Variants in TESK2 observed in about 807,000 individuals in gnomAD.
TESK2 encodes testis associated actin remodelling kinase 2, also known as dual specificity testis-specific protein kinase 2.
A neutral mutation model predicts 57.1 loss-of-function variants in TESK2; 39 were observed. The ratio of observed to expected loss-of-function variants is 0.68; its 90% CI spans 0.53 to 0.89. The LOEUF (loss-of-function observed/expected upper bound fraction) is 0.89, where lower values mean the gene tolerates loss of function less well. TESK2 is among the 40% of genes least tolerant of loss of function. The pLI, the probability that TESK2 is intolerant of heterozygous loss-of-function variation, is 0.00. For missense variants in TESK2, 646 were observed against 732.1 expected (o/e 0.88, Z 1.36); for synonymous variants, 249 against 267.9 (o/e 0.93, Z 0.69).
intron 2 of TESK2, among the ~76,000 whole-genome samples, chr1:45,456,543 T>C (rs891276084): frequency 6.6e-6 from 1 of 150,850 alleles, no homozygotes; most frequent in African/African-American, 2.4e-5. Flanking sequence ...TAAAATAAAA[T>C]AAAGGGGAAA....
At chr1:45,375,926 T>C (rs1216685583) in intron 4 of TESK2, among the ~76,000 whole-genome samples, 1 of 152,128 alleles carries the variant, frequency 6.6e-6, no homozygotes, top group African/African-American at 2.4e-5. Flanking sequence ...AAGGATAAAG[T>C]AAACTAAATA....
At position 45,345,039 on chromosome 1, in the gene TESK2, G is replaced by A. The variant is rs1231061018; in HGVS notation, c.1517C>T (p.Ala506Val). 1.2e-6 allele frequency: 2 copies of A among 1,614,254 alleles called. No individual in the cohort carries two copies. Among genetic ancestry groups the A allele is most frequent in the Non-Finnish European group, 8.5e-7 (1 of 1,180,050 alleles). ...GTCCATAGCCTCATGGGCTTGAGCA[G>A]CTGGTAGGGCAGATGCCCGGAATGG... ...IPPFRASALP[A>V]AQAHEAMDCS... is the part of the protein sequence containing the mutation. The change falls in exon 11 of 11, where the codon GCT (alanine) becomes GTT (valine). Residue 506 changes from alanine to valine, a missense_variant. Physicochemically the swap from Ala to Val is moderately conservative, Grantham distance 64. Transcript: ENST00000372086.
intron 4 of TESK2, among the ~76,000 whole-genome samples, chr1:45,366,001 G>A (rs1406332549): frequency 6.6e-6 from 1 of 152,026 alleles, no homozygotes; most frequent in African/African-American, 2.4e-5. Context: ...TAGAGACGGG[G>A]TTTCACCATG....
intron 2 of TESK2, among the ~76,000 whole-genome samples, chr1:45,431,776 A>G (rs1241701283): frequency 6.6e-6 from 1 of 152,144 alleles, no homozygotes; most frequent in African/African-American, 2.4e-5. Context: ...TAGAACAAGC[A>G]AGGAAAGGGC....
At chr1:45,386,270 G>A (rs1333979013) in intron 3 of TESK2, among the ~76,000 whole-genome samples, 2 of 148,760 alleles carry the variant, frequency 1.3e-5, no homozygotes, top group Non-Finnish European at 3.0e-5. Flanking sequence ...CCTTGAACCT[G>A]GAAGGCAGAG....
intron 3 of TESK2, among the ~76,000 whole-genome samples, chr1:45,391,151 C>T (rs1041743807): frequency 1.3e-5 from 2 of 150,846 alleles, no homozygotes; most frequent in African/African-American, 4.9e-5. Context: ...CTCCTGACCT[C>T]GTGATCCGCC....
chr1:45,344,755 G>C lies in TESK2; in HGVS notation c.*85C>G. 1 of 1,320,474 alleles carries C rather than the reference G, an allele frequency of 7.6e-7. No homozygotes were observed. Among genetic ancestry groups the C allele is most frequent in the Non-Finnish European group, 1.0e-6 (1 of 953,988 alleles). 81.8% of individuals were successfully genotyped at this position (1,320,474 alleles called of 1,614,324 possible). ...TAGCCTGCCTGCTCTGTAGGCTCCAGGGAAGAATCAAGGCTGTGCACCTAG... is the reference window on the plus strand; with the variant it reads ...TAGCCTGCCTGCTCTGTAGGCTCCACGGAAGAATCAAGGCTGTGCACCTAG... On this transcript the variant is annotated 3_prime_UTR_variant, in exon 11 of 11. Transcript: ENST00000372086.
chr1:45,367,607 C>A (rs1436265951), intron 4 of TESK2, among the ~76,000 whole-genome samples: 1 of 151,184 alleles, frequency 6.6e-6, no homozygotes, highest in Admixed American at 6.6e-5. Flanking sequence ...CCTCGGCCTC[C>A]CAAAGTGTAG....
chr1:45,445,530 T>C (rs1443645477), intron 2 of TESK2, among the ~76,000 whole-genome samples: 1 of 149,742 alleles, frequency 6.7e-6, no homozygotes, highest in African/African-American at 2.5e-5. Flanking sequence ...CTCACACTTG[T>C]AATCCCAACA....
chr1:45,424,788 T>C (rs1650622090), intron 2 of TESK2, among the ~76,000 whole-genome samples: 1 of 152,174 alleles, frequency 6.6e-6, no homozygotes, highest in Non-Finnish European at 1.5e-5. Flanking sequence ...ATGTGATACA[T>C]TATATCAACA....
At chr1:45,450,398 G>A (rs914993886) in intron 2 of TESK2, among the ~76,000 whole-genome samples, 1 of 152,098 alleles carries the variant, frequency 6.6e-6, no homozygotes, top group African/African-American at 2.4e-5. Flanking sequence ...TGAAATCCCA[G>A]CTACTTGGGA....
At chr1:45,370,466 A>T (rs1648127618) in intron 4 of TESK2, among the ~76,000 whole-genome samples, 1 of 152,236 alleles carries the variant, frequency 6.6e-6, no homozygotes. Flanking sequence ...CAATGTAAAT[A>T]AAACAATCGT....
Position 45,365,382 on chromosome 1 carries a change from T to C in TESK2, c.394-9933A>G, listed in dbSNP as rs114483146. On this transcript the variant is annotated intron_variant, in intron 4 of 10. Coordinates refer to ENST00000372086, the MANE Select transcript of TESK2 (RefSeq NM_007170.3). Reference sequence around the variant, plus strand: ...CTAGTTCTAGCCACAGAGTAAAACGTTGTTAATAACCCAAAATATATTTCA... The same window carrying C: ...CTAGTTCTAGCCACAGAGTAAAACGCTGTTAATAACCCAAAATATATTTCA... Among the ~76,000 whole-genome samples, 1,058 of 152,328 alleles carry C rather than the reference T, an allele frequency of 6.9e-3. 11 individuals are homozygous for C. The highest frequency in any genetic ancestry group is 0.023 in the African/African-American group (971 of 41,558).
intron 1 of TESK2, among the ~76,000 whole-genome samples, chr1:45,473,250 A>G (rs920263705): frequency 6.6e-6 from 1 of 152,134 alleles, no homozygotes; most frequent in African/African-American, 2.4e-5. Flanking sequence ...ACCAAAGCCC[A>G]GGCACCTTCT....
chr1:45,364,439 A>G lies in TESK2; in HGVS notation c.394-8990T>C, dbSNP rs547743165. 5.3e-5 allele frequency among the ~76,000 whole-genome samples: 8 copies of G among 152,352 alleles called. No individual in the cohort carries two copies. In the East Asian group the frequency reaches 1.5e-3, roughly 29 times the overall value. On this transcript the variant is annotated intron_variant, in intron 4 of 10. Coordinates refer to ENST00000372086, the MANE Select transcript of TESK2 (RefSeq NM_007170.3). ...ACCTACCAGAAGCTAGGAAAAGGCA[A>G]GAAGGATCTTCCCGTAGAGCCTTCA...
At chr1:45,412,237 G>C (rs1033576906) in intron 3 of TESK2, among the ~76,000 whole-genome samples, 2 of 152,174 alleles carry the variant, frequency 1.3e-5, no homozygotes, top group Non-Finnish European at 1.5e-5. Flanking sequence ...GTGAAAAAGG[G>C]CAAAGAGACA....
At chr1:45,373,873 T>G (rs995767139) in intron 4 of TESK2, among the ~76,000 whole-genome samples, 2 of 152,200 alleles carry the variant, frequency 1.3e-5, no homozygotes, top group African/African-American at 4.8e-5. Context: ...TGGTCCTACT[T>G]GCTACAGATT....
intron 1 of TESK2, among the ~76,000 whole-genome samples, chr1:45,485,523 ATT>A (rs71052884): frequency 5.9e-5 from 8 of 136,444 alleles, no homozygotes; most frequent in Admixed American, 7.3e-5. Context: ...TTTTTATTTT[ATT>A]TTTTTTTTTT....
At chr1:45,407,551 T>G (rs1448493152) in intron 3 of TESK2, among the ~76,000 whole-genome samples, 1 of 152,210 alleles carries the variant, frequency 6.6e-6, no homozygotes, top group Non-Finnish European at 1.5e-5. Flanking sequence ...ATTCCCATTT[T>G]GGAGGGACCT....
Sources: gnomAD v4.1 joint callset for allele counts (sites outside exome capture counted in the v4.1 genomes callset) on GRCh38, gnomAD v4.1.1 for gene constraint, MANE v1.5 for transcripts, NCBI Gene and HGNC (gene_info 2026-07-23, HGNC 2026-07-21) for gene names.